The following ADAMTS17 variants were observed in gnomAD, a reference collection of about 807,000 sequenced individuals.
ADAMTS17 encodes A disintegrin and metalloproteinase with thrombospondin motifs 17.
In ADAMTS17, 113 loss-of-function variants were observed where a neutral mutation model predicts 141.5. The observed-to-expected ratio is 0.80, with a 90% CI of 0.69 to 0.93. The LOEUF (loss-of-function observed/expected upper bound fraction) is 0.93. Among genes scored for constraint, ADAMTS17 ranks in the 40% least tolerant of loss-of-function variants. The pLI is 0.00. For missense variants in ADAMTS17, 1,659 were observed against 1,517.9 expected, an observed-to-expected ratio of 1.09 and a Z score of -1.54; for synonymous variants, 768 against 630.6, an observed-to-expected ratio of 1.22 and a Z score of -3.27.
At chr15:100,123,201 G>A (rs117259654) in intron 12 of ADAMTS17, among the ~76,000 whole-genome samples, 96 of 152,288 alleles carry the variant, frequency 6.3e-4, no homozygotes, top group Middle Eastern at 3.4e-3. Flanking sequence ...AAAAGCAACC[G>A]GAGAGACCAC....
rs780932913 is a variant in ADAMTS17, at chr15:100,064,801, G to A, written c.2138-10747C>T. On this transcript the variant is annotated intron_variant, in intron 15 of 21. Coordinates refer to ENST00000268070, the MANE Select transcript of ADAMTS17 (RefSeq NM_139057.4). The stretch of plus-strand genomic sequence containing the variant: ...GTTAATAGGGTGATTGCCAGTAAGT[G>A]AGCCTAACATGACGGTGAGATTCTG... Among the ~76,000 whole-genome samples, 6 of 152,340 alleles carry A rather than the reference G, an allele frequency of 3.9e-5. No individual in the cohort carries two copies. In the South Asian group the frequency reaches 1.0e-3, roughly 26 times the overall value.
chr15:99,972,371 G>A lies in ADAMTS17; in HGVS notation c.*2031C>T, dbSNP rs972889759. Reference sequence around the variant, plus strand: ...AATCCTTTTCATTCTGAGGGTGTGGGGCCCTTGCCAGGGTGACAGTGGGCA... The same window carrying A: ...AATCCTTTTCATTCTGAGGGTGTGGAGCCCTTGCCAGGGTGACAGTGGGCA... On this transcript the variant is annotated 3_prime_UTR_variant, in exon 22 of 22. Coordinates refer to ENST00000268070, the MANE Select transcript of ADAMTS17 (RefSeq NM_139057.4). 1.3e-5 allele frequency: 2 copies of A among 152,156 alleles called. No individual in the cohort carries two copies. The highest frequency in any genetic ancestry group is 6.5e-5 in the Admixed American group (1 of 15,284). The allele number at this position is 152,156 out of a possible 1,614,324, so 9.4% of individuals were successfully genotyped here. A position where few individuals can be genotyped will look rare whatever the true frequency, so the allele number is the denominator to read the frequency against.
Position 100,341,246 on chromosome 15 carries a change from C to A in ADAMTS17, c.243G>T (p.Leu81=). 7.3e-7 allele frequency: 1 copy of A among 1,377,458 alleles called. No individual in the cohort carries two copies. The highest frequency in any genetic ancestry group is 9.4e-7 in the Non-Finnish European group (1 of 1,062,874). The allele number at this position is 1,377,458 out of a possible 1,614,324, so 85.3% of individuals were successfully genotyped here. The change falls in exon 2 of 22, where the codon CTG becomes CTT. Residue 81 remains leucine (L), a synonymous_variant. Coordinates refer to ENST00000268070, the MANE Select transcript of ADAMTS17 (RefSeq NM_139057.4). ...APRARPGERA[L]LLHLPAFGRD... Reference sequence around the variant, plus strand: ...GCCCGAAGGCCGGCAGGTGCAGCAGCAGGGCGCGCTCTCCGGGCCGGGCGC... The same window carrying A: ...GCCCGAAGGCCGGCAGGTGCAGCAGAAGGGCGCGCTCTCCGGGCCGGGCGC...
At chr15:100,296,220 T>C (rs1418392225) in intron 3 of ADAMTS17, among the ~76,000 whole-genome samples, 1 of 151,976 alleles carries the variant, frequency 6.6e-6, no homozygotes, top group African/African-American at 2.4e-5. Flanking sequence ...CAACATGTTT[T>C]CCAATGAAAT....
chr15:100,203,736 AAAAAACACCC>A (rs1479210245), intron 7 of ADAMTS17, among the ~76,000 whole-genome samples: 4 of 151,968 alleles, frequency 2.6e-5, no homozygotes, highest in African/African-American at 4.8e-5. Flanking sequence ...AAACAAAACA[AAAAAACACCC>A]AAATTAGCCA....
chr15:100,248,173 C>G (rs1463667040), intron 7 of ADAMTS17, among the ~76,000 whole-genome samples: 2 of 152,134 alleles, frequency 1.3e-5, no homozygotes, highest in African/African-American at 4.8e-5. Context: ...TAGGATCACC[C>G]CTCTCCCTCA....
chr15:100,334,243 C>T (rs2046140514), intron 2 of ADAMTS17, among the ~76,000 whole-genome samples: 1 of 152,174 alleles, frequency 6.6e-6, no homozygotes, highest in Non-Finnish European at 1.5e-5. Context: ...CACATGTTCT[C>T]GGCATAGCTT....
rs578164699 is a variant in ADAMTS17 at position 100,094,979 on chromosome 15, C to T, written c.2137+1377G>A. ...TGCCTGTGCTGCCCAACACAGGAGC[C>T]GCTGGCCGTGTGCAGCAACGGAGTA... is the stretch of plus-strand genomic sequence containing the variant. On this transcript the variant is annotated intron_variant, in intron 15 of 21. Transcript: ENST00000268070. Among the ~76,000 whole-genome samples the T allele has an allele frequency of 8.5e-5, 13 of 152,296 alleles. No individual in the cohort carries two copies. In the East Asian group the frequency reaches 2.5e-3, roughly 29 times the overall value.
chr15:100,308,048 C>T (rs559156664), intron 3 of ADAMTS17, among the ~76,000 whole-genome samples: 8 of 152,332 alleles, frequency 5.3e-5, no homozygotes, highest in African/African-American at 7.2e-5. Context: ...TCCTTTAAAA[C>T]GGTAAGCTCA....
chr15:99,987,472 T>C (rs2060612980), intron 20 of ADAMTS17, among the ~76,000 whole-genome samples: 1 of 152,186 alleles, frequency 6.6e-6, no homozygotes, highest in Non-Finnish European at 1.5e-5. Flanking sequence ...TGCCTTCAAA[T>C]GCCAGCACAT....
At position 99,972,826 on chromosome 15, in the gene ADAMTS17, G is replaced by T. The variant is rs527837059; in HGVS notation, c.*1576C>A. 19 of 152,348 alleles carry T rather than the reference G, an allele frequency of 1.2e-4. No homozygotes were observed. The highest frequency in any genetic ancestry group is 3.8e-4 in the African/African-American group (16 of 41,576). The allele number at this position is 152,348 out of a possible 1,614,324, so 9.4% of individuals were successfully genotyped here. On this transcript the variant is annotated 3_prime_UTR_variant, in exon 22 of 22. Transcript: ENST00000268070. ...CGTAAGACAGGGTGGAGAAGGCAGA[G>T]AGGCTTCTTTCTGATTTAAGCTAAC...
At chr15:100,177,931 AATC>A (rs1163603504) in intron 8 of ADAMTS17, among the ~76,000 whole-genome samples, 2 of 152,142 alleles carry the variant, frequency 1.3e-5, no homozygotes, top group Non-Finnish European at 2.9e-5. Flanking sequence ...CCCAGTCATC[AATC>A]TTCTTTCCTC....
At chr15:100,110,173 A>G (rs7173620) in intron 13 of ADAMTS17, among the ~76,000 whole-genome samples, 14,987 of 146,826 alleles carry the variant, frequency 0.1, 1,823 homozygotes, top group African/African-American at 0.28. Flanking sequence ...CTCAGTATAT[A>G]TATATATATT....
intron 7 of ADAMTS17, among the ~76,000 whole-genome samples, chr15:100,241,732 C>A (rs1265753317): frequency 6.6e-6 from 1 of 152,178 alleles, no homozygotes; most frequent in African/African-American, 2.4e-5. Context: ...GCTCACCTAA[C>A]CATGACTCAG....
intron 12 of ADAMTS17, among the ~76,000 whole-genome samples, chr15:100,127,150 C>T (rs969053422): frequency 3.9e-5 from 6 of 152,118 alleles, no homozygotes; most frequent in Non-Finnish European, 5.9e-5. Context: ...GGGGGCTGAA[C>T]GGTGGGTCCC....
chr15:100,323,477 C>A (rs1257809418), intron 3 of ADAMTS17, among the ~76,000 whole-genome samples: 3 of 152,102 alleles, frequency 2.0e-5, no homozygotes, highest in African/African-American at 7.2e-5. Flanking sequence ...AATTTGTATG[C>A]CCCTACAGGT....
intron 15 of ADAMTS17, among the ~76,000 whole-genome samples, chr15:100,065,948 T>C (rs1161034749): frequency 1.3e-5 from 2 of 152,204 alleles, no homozygotes; most frequent in African/African-American, 4.8e-5. Context: ...ATTGTTCAAC[T>C]CCCACTTATG....
At chr15:100,299,658 C>T (rs1038809128) in intron 3 of ADAMTS17, among the ~76,000 whole-genome samples, 3 of 152,268 alleles carry the variant, frequency 2.0e-5, no homozygotes, top group African/African-American at 2.4e-5. Flanking sequence ...AATCCCCCAT[C>T]GGGATCCTGG....
chr15:100,261,563 C>G lies in ADAMTS17; in HGVS notation c.947G>C (p.Gly316Ala), dbSNP rs1437540383. 6.2e-7 allele frequency: 1 copy of G among 1,614,070 alleles called. No homozygotes were observed. Among genetic ancestry groups the G allele is most frequent in the African/African-American group, 1.3e-5 (1 of 74,922 alleles). ...GTTATTGCCGAGGTATCGCGCTCCT[C>G]CATACTCCTCGTTCTGCCAGTGACA... ...SFCHWQNEEYGGARYLGNNQV... is the reference protein window; with the variant it reads ...SFCHWQNEEYAGARYLGNNQV... The change falls in exon 6 of 22, where the codon GGA becomes GCA. Residue 316 changes from glycine (G) to alanine (A), a missense_variant. By Grantham distance (60) the Gly-to-Ala change is moderately conservative. Transcript: ENST00000268070.
Sources: gnomAD v4.1 joint callset for allele counts (sites outside exome capture counted in the v4.1 genomes callset) on GRCh38, gnomAD v4.1.1 for gene constraint, MANE v1.5 for transcripts, NCBI Gene and HGNC (gene_info 2026-07-23, HGNC 2026-07-21) for gene names.